The following OR4C6 variants were observed in gnomAD, a reference collection of about 807,000 sequenced individuals.
OR4C6 encodes olfactory receptor family 4 subfamily C member 6.
OR4C6 carries 20 observed loss-of-function variants against 13.9 expected under a neutral mutation model. The observed-to-expected ratio is 1.43, with a 90% CI of 1.01 to 2.08. The LOEUF is 2.08. OR4C6 is among the 30% of genes most tolerant of loss of function. The probability of loss-of-function intolerance (pLI) is 0.00; values close to 1 mark genes in which losing one functional copy is unlikely to be tolerated. For missense variants in OR4C6, 555 were observed against 381.2 expected, an observed-to-expected ratio of 1.46 and a Z score of -3.80; for synonymous variants, 193 against 141.5, an observed-to-expected ratio of 1.36 and a Z score of -2.58.
rs761974645 is a variant in OR4C6, at chr11:55,662,212, C to G, written c.-79C>G. 7.2e-6 allele frequency: 1 copy of G among 138,508 alleles called. No individual in the cohort carries two copies. The allele number at this position is 138,508 out of a possible 1,614,324, so 8.6% of individuals were successfully genotyped here. On this transcript the variant is annotated 5_prime_UTR_variant, in exon 1 of 2. Transcript: ENST00000314259. ...GTGCAAGAACATGCCATGAAGGTGG[C>G]TGATGGTGTGATTCAAGATTGAACT...
Position 55,665,116 on chromosome 11 carries a change from C to T in OR4C6, c.-42-9C>T, listed in dbSNP as rs773240627. The T allele has an allele frequency of 1.8e-6, 2 of 1,125,624 alleles. No individual in the cohort carries two copies. The highest frequency in any genetic ancestry group is 1.4e-5 in the South Asian group (1 of 69,054). The allele number at this position is 1,125,624 out of a possible 1,614,324, so 69.7% of individuals were successfully genotyped here. On this transcript the variant is annotated splice_polypyrimidine_tract_variant and intron_variant, in intron 1 of 1. Transcript: ENST00000314259. The stretch of plus-strand genomic sequence containing the variant: ...GTCACTAATTATAAATCATATCTTG[C>T]TTATTTAGGATTCTCAACTCTCAGC...
chr11:55,665,442 C>T lies in OR4C6; in HGVS notation c.276C>T (p.Leu92=), dbSNP rs748058915. Reference sequence around the variant, plus strand: ...TCTCCAAGAGCACTACCATCTCTCTCAAAGGCTGCCTCACCCAGCTGTTTG... The same window carrying T: ...TCTCCAAGAGCACTACCATCTCTCTTAAAGGCTGCCTCACCCAGCTGTTTG... ...DTLSKSTTIS[L]KGCLTQLFVE... The change falls in exon 2 of 2, where the codon CTC becomes CTT. Residue 92 remains leucine (L), a synonymous_variant. Coordinates refer to ENST00000314259, the MANE Select transcript of OR4C6 (RefSeq NM_001004704.2). The T allele has an allele frequency of 3.1e-6, 5 of 1,613,752 alleles. No homozygotes were observed. Among genetic ancestry groups the T allele is most frequent in the African/African-American group, 2.7e-5 (2 of 74,724 alleles).
chr11:55,665,367 G>C lies in OR4C6; in HGVS notation c.201G>C (p.Leu67Phe). Reference sequence around the variant, plus strand: ...TTTTTCTTACCTTCTTGTCCCTTTTGGATGTCATGTTCTCATCTGTCGTTG... The same window carrying C: ...TTTTTCTTACCTTCTTGTCCCTTTTCGATGTCATGTTCTCATCTGTCGTTG... Reference protein sequence around the residue: ...MYFFLTFLSLLDVMFSSVVAP... With the variant: ...MYFFLTFLSLFDVMFSSVVAP... Residue 67 changes from leucine to phenylalanine, a missense_variant, in exon 2 of 2, where the codon TTG becomes TTC. Physicochemically the swap from Leu to Phe is conservative, Grantham distance 22. Transcript: ENST00000314259. 1 of 1,613,370 alleles carries C rather than the reference G, an allele frequency of 6.2e-7. No homozygotes were observed. Among genetic ancestry groups the C allele is most frequent in the Non-Finnish European group, 8.5e-7 (1 of 1,179,668 alleles).
At position 55,665,584 on chromosome 11, in the gene OR4C6, T is replaced by C; in HGVS notation, c.418T>C (p.Cys140Arg). 6.2e-7 allele frequency: 1 copy of C among 1,613,938 alleles called. No homozygotes were observed. Among genetic ancestry groups the C allele is most frequent in the Non-Finnish European group, 8.5e-7 (1 of 1,180,010 alleles). The change falls in exon 2 of 2, where the codon TGC becomes CGC. Residue 140 changes from cysteine to arginine, a missense_variant. Cys to Arg is a radical substitution (Grantham distance 180, BLOSUM62 -3). Transcript: ENST00000314259. ...YTIIMSPRVC[C>R]LMVGGAWVGG... ...GATCATCATGAGTCCACGGGTGTGC[T>C]GCCTAATGGTAGGAGGGGCTTGGGT...
rs77072313 is a variant in OR4C6 at position 55,665,626 on chromosome 11, G to T, written c.460G>T (p.Ala154Ser). ...GGCTTGGGTGGGGGGATTTATGCAC[G>T]CAATGATACAACTTCTCTTCATGTA... is the stretch of plus-strand genomic sequence containing the variant. Reference protein sequence around the residue: ...GGAWVGGFMHAMIQLLFMYQI... With the variant: ...GGAWVGGFMHSMIQLLFMYQI... Residue 154 changes from alanine to serine, a missense_variant, in exon 2 of 2, where the codon GCA becomes TCA. Physicochemically the swap from Ala to Ser is moderately conservative, Grantham distance 99. Coordinates refer to ENST00000314259, the MANE Select transcript of OR4C6 (RefSeq NM_001004704.2). 7.4e-6 allele frequency: 12 copies of T among 1,613,390 alleles called. No homozygotes were observed. In the African/African-American group the frequency reaches 1.6e-4, roughly 22 times the overall value.
chr11:55,665,885 C>G lies in OR4C6; in HGVS notation c.719C>G (p.Ser240Cys), dbSNP rs767464706. The change falls in exon 2 of 2, where the codon TCC becomes TGC. Residue 240 changes from serine to cysteine, a missense_variant. Ser to Cys is a moderately radical substitution (Grantham distance 112). Coordinates refer to ENST00000314259, the MANE Select transcript of OR4C6 (RefSeq NM_001004704.2). ...GRHKALSTCSSHLTVVVLFFV... is the reference protein window; with the variant it reads ...GRHKALSTCSCHLTVVVLFFV... ...CACAAAGCCCTCTCTACCTGCAGCT[C>G]CCACCTCACGGTGGTTGTATTGTTC... 1.9e-6 allele frequency: 3 copies of G among 1,613,700 alleles called. No individual in the cohort carries two copies. The highest frequency in any genetic ancestry group is 2.7e-5 in the African/African-American group (2 of 74,730).
At position 55,665,888 on chromosome 11, in the gene OR4C6, A is replaced by G. The variant is rs752638459; in HGVS notation, c.722A>G (p.His241Arg). The G allele has an allele frequency of 1.2e-6, 2 of 1,613,298 alleles. No individual in the cohort carries two copies. The highest frequency in any genetic ancestry group is 1.7e-6 in the Non-Finnish European group (2 of 1,179,826). ...AAAGCCCTCTCTACCTGCAGCTCCC[A>G]CCTCACGGTGGTTGTATTGTTCTTT... ...RHKALSTCSS[H>R]LTVVVLFFVP... The change falls in exon 2 of 2, where the codon CAC becomes CGC. Residue 241 changes from histidine to arginine, a missense_variant. Coordinates refer to ENST00000314259, the MANE Select transcript of OR4C6 (RefSeq NM_001004704.2).
intron 1 of OR4C6, 107 bp from the exon 2 acceptor site, chr11:55,665,018 C>T: frequency 1.7e-6 from 1 of 594,134 alleles, no homozygotes; most frequent in Non-Finnish European, 3.0e-6. Context: ...AGTCAAATGC[C>T]TAGATGGAGA....
intron 1 of OR4C6, among the ~76,000 whole-genome samples, chr11:55,664,469 C>A (rs899541732): frequency 3.3e-5 from 5 of 151,886 alleles, no homozygotes; most frequent in African/African-American, 1.2e-4. Flanking sequence ...ATATGATGAT[C>A]ATTTAAAATT....
At position 55,665,807 on chromosome 11, in the gene OR4C6, C is replaced by T. The variant is rs772626217; in HGVS notation, c.641C>T (p.Ala214Val). Residue 214 changes from alanine (A) to valine (V), a missense_variant, in exon 2 of 2, where the codon GCG becomes GTG. Ala to Val is a moderately conservative substitution (Grantham distance 64). Coordinates refer to ENST00000314259, the MANE Select transcript of OR4C6 (RefSeq NM_001004704.2). ...GTGGCCATCTTTCTTATCTTAATTG[C>T]GTCCTACACGGTCATCCTATGCTCC... is the stretch of plus-strand genomic sequence containing the variant. ...MCVAIFLILI[A>V]SYTVILCSLK... 2.1e-5 allele frequency: 34 copies of T among 1,613,792 alleles called. No homozygotes were observed. The highest frequency in any genetic ancestry group is 9.9e-5 in the South Asian group (9 of 91,078).
At chr11:55,664,821 G>A (rs1225940420) in intron 1 of OR4C6, among the ~76,000 whole-genome samples, 2 of 151,960 alleles carry the variant, frequency 1.3e-5, no homozygotes, top group East Asian at 3.9e-4. Flanking sequence ...ATAAGGAATT[G>A]CCTCCAAGGT....
intron 1 of OR4C6, among the ~76,000 whole-genome samples, chr11:55,663,292 G>C (rs1858692698): frequency 2.2e-5 from 3 of 138,074 alleles, no homozygotes; most frequent in African/African-American, 5.0e-5. Flanking sequence ...AAGAGAAAAG[G>C]GGCTGGTGAT....
At chr11:55,663,054 T>C (rs295603) in intron 1 of OR4C6, among the ~76,000 whole-genome samples, 9 of 138,472 alleles carry the variant, frequency 6.5e-5, no homozygotes, top group African/African-American at 2.0e-4. Context: ...CTTTCACTAA[T>C]TGTGCTGTTG....
chr11:55,664,268 AGTT>A (rs1429085177), intron 1 of OR4C6, among the ~76,000 whole-genome samples: 6 of 152,044 alleles, frequency 3.9e-5, no homozygotes, highest in South Asian at 2.1e-4. Flanking sequence ...CTAATTGCTT[AGTT>A]GTTGTCATTA....
intron 1 of OR4C6, among the ~76,000 whole-genome samples, chr11:55,664,749 A>G (rs56358104): frequency 1.0e-3 from 153 of 152,122 alleles, no homozygotes; most frequent in Non-Finnish European, 1.7e-3. Flanking sequence ...CCTAAACTGT[A>G]TGAGAGTACG....
At position 55,665,301 on chromosome 11, in the gene OR4C6, A is replaced by G; in HGVS notation, c.135A>G (p.Val45=). Residue 45 remains valine (V), a synonymous_variant, in exon 2 of 2, where the codon GTA becomes GTG. Coordinates refer to ENST00000314259, the MANE Select transcript of OR4C6 (RefSeq NM_001004704.2). Reference sequence around the variant, plus strand: ...TGCTGGAAAATCTACTTATTGTGGTAACTATTATCACAAGTCAGAGTCTGA... The same window carrying G: ...TGCTGGAAAATCTACTTATTGTGGTGACTATTATCACAAGTCAGAGTCTGA... ...ATVLENLLIV[V]TIITSQSLRS... 1 of 1,613,390 alleles carries G rather than the reference A, an allele frequency of 6.2e-7. No homozygotes were observed. The highest frequency in any genetic ancestry group is 1.1e-5 in the South Asian group (1 of 91,078).
In OR4C6 at chr11:55,665,224, G is replaced by C. The variant is rs766554281; in HGVS notation, c.58G>C (p.Glu20Gln). The change falls in exon 2 of 2, where the codon GAG becomes CAG. Residue 20 changes from glutamate (E) to glutamine (Q), a missense_variant. Coordinates refer to ENST00000314259, the MANE Select transcript of OR4C6 (RefSeq NM_001004704.2). ...TCTTCTGGGTCTCACAGAGAACCTG[G>C]AGCTGTGGAAAATATTTTCTGCTGT... ...FILLGLTENL[E>Q]LWKIFSAVFL... The C allele has an allele frequency of 6.2e-7, 1 of 1,613,440 alleles. No individual in the cohort carries two copies. The highest frequency in any genetic ancestry group is 1.1e-5 in the South Asian group (1 of 91,070).
At chr11:55,664,990 A>T (rs1310502967) in intron 1 of OR4C6, 135 bp from the exon 2 acceptor site, 1 of 558,156 alleles carries the variant, frequency 1.8e-6, no homozygotes, top group Non-Finnish European at 3.2e-6. Context: ...TAAATTATTT[A>T]TTTAGCACAT....
rs1858737744 is a variant in OR4C6, at chr11:55,665,735, C to A, written c.569C>A (p.Thr190Asn). The A allele has an allele frequency of 6.2e-7, 1 of 1,613,940 alleles. No homozygotes were observed. Among genetic ancestry groups the A allele is most frequent in the Admixed American group, 1.7e-5 (1 of 60,004 alleles). The change falls in exon 2 of 2, where the codon ACC (threonine) becomes AAC (asparagine). Residue 190 changes from threonine (T) to asparagine (N), a missense_variant. Physicochemically the swap from Thr to Asn is moderately conservative, Grantham distance 65. Coordinates refer to ENST00000314259, the MANE Select transcript of OR4C6 (RefSeq NM_001004704.2). The stretch of plus-strand genomic sequence containing the variant: ...TTGTTGACACTTGCCTGCACGGACA[C>A]CCACATCCTGGGCCTCTTAGTTACC... ...FQLLTLACTDTHILGLLVTLN... is the reference protein window; with the variant it reads ...FQLLTLACTDNHILGLLVTLN...
Sources: allele counts gnomAD v4.1 joint callset (sites outside exome capture counted in the v4.1 genomes callset), GRCh38; gene constraint gnomAD v4.1.1; transcripts MANE v1.5; gene names NCBI Gene and HGNC (gene_info 2026-07-23, HGNC 2026-07-21).